The following HTR1F variants were observed in gnomAD, a reference collection of about 807,000 sequenced individuals.
HTR1F encodes the protein 5-hydroxytryptamine (serotonin) receptor 1F, G protein-coupled.
Under a neutral mutation model 24.0 loss-of-function variants are expected in HTR1F, and 17 were observed. The observed-to-expected ratio is 0.71, with a 90% CI of 0.48 to 1.06. The LOEUF (loss-of-function observed/expected upper bound fraction) is 1.06, where lower values mean the gene tolerates loss of function less well. Ranked by LOEUF, HTR1F falls within the 50% of genes least tolerant of loss-of-function variation. The pLI is 0.00. For missense variants in HTR1F, 391 were observed against 427.8 expected, an observed-to-expected ratio of 0.91 and a Z score of 0.76; for synonymous variants, 186 against 156.8, an observed-to-expected ratio of 1.19 and a Z score of -1.39.
chr3:87,838,019 T>A (rs1704719383), intron 2 of HTR1F, among the ~76,000 whole-genome samples: 2 of 152,134 alleles, frequency 1.3e-5, no homozygotes, highest in Admixed American at 1.3e-4. Flanking sequence ...ACTGAGATTA[T>A]GGAACAATTT....
chr3:87,982,094 T>C (rs1372283307), intron 2 of HTR1F, among the ~76,000 whole-genome samples: 2 of 152,162 alleles, frequency 1.3e-5, no homozygotes, highest in African/African-American at 2.4e-5. Context: ...GGCTAATTTT[T>C]GTATTTTTAA....
intron 1 of HTR1F, among the ~76,000 whole-genome samples, chr3:87,813,786 A>G (rs1265145582): frequency 2.0e-5 from 3 of 152,140 alleles, no homozygotes; most frequent in Non-Finnish European, 4.4e-5. Context: ...TCATGGTTTT[A>G]TACGTGTTTG....
intron 1 of HTR1F, among the ~76,000 whole-genome samples, chr3:87,810,945 C>T (rs1704150601): frequency 6.6e-6 from 1 of 152,152 alleles, no homozygotes; most frequent in Non-Finnish European, 1.5e-5. Flanking sequence ...CTTATATCAG[C>T]TCATATAAGC....
chr3:87,916,199 G>A (rs1703887840), intron 2 of HTR1F, among the ~76,000 whole-genome samples: 2 of 151,584 alleles, frequency 1.3e-5, no homozygotes, highest in Non-Finnish European at 2.9e-5. Flanking sequence ...AACTGCTAAA[G>A]GGGGCTCTAA....
chr3:87,949,579 T>A (rs958753593), intron 2 of HTR1F, among the ~76,000 whole-genome samples: 2 of 152,176 alleles, frequency 1.3e-5, no homozygotes, highest in Admixed American at 6.5e-5. Flanking sequence ...ATTTCTTGAA[T>A]CCAGAAGGGA....
At chr3:87,884,116 G>A (rs534437018) in intron 2 of HTR1F, among the ~76,000 whole-genome samples, 1 of 152,272 alleles carries the variant, frequency 6.6e-6, no homozygotes, top group South Asian at 2.1e-4. Context: ...TACTCACAAA[G>A]GGAAGCCCAT....
intron 2 of HTR1F, among the ~76,000 whole-genome samples, chr3:87,877,193 C>T (rs887009646): frequency 2.0e-5 from 3 of 151,900 alleles, no homozygotes; most frequent in East Asian, 1.9e-4. Flanking sequence ...AGTTCTAGGA[C>T]ATAAACCAAA....
intron 2 of HTR1F, among the ~76,000 whole-genome samples, chr3:87,964,174 A>G (rs1375822314): frequency 1.1e-4 from 16 of 152,092 alleles, no homozygotes; most frequent in Admixed American, 1.0e-3. Flanking sequence ...AAGGATTTGG[A>G]TTAACTATAA....
intron 2 of HTR1F, among the ~76,000 whole-genome samples, chr3:87,829,024 T>C (rs1013953442): frequency 1.3e-5 from 2 of 150,950 alleles, no homozygotes; most frequent in African/African-American, 2.5e-5. Flanking sequence ...TAAAAATTTA[T>C]TGTGGCAAAG....
rs1705256889 is a variant in HTR1F at position 87,970,198 on chromosome 3, T to G, written c.-42-20510T>G. Among the ~76,000 whole-genome samples, 6 of 152,086 alleles carry G rather than the reference T, an allele frequency of 3.9e-5. No individual in the cohort carries two copies. The South Asian group carries it at 1.2e-3, about 32-fold the overall frequency. On this transcript the variant is annotated intron_variant, in intron 2 of 2. Transcript: ENST00000319595. Reference sequence around the variant, plus strand: ...GAATTTGAGCAAAGATTTGAAGGAGTTGGAGTTAATTAACCAAGTGGTTAT... The same window carrying G: ...GAATTTGAGCAAAGATTTGAAGGAGGTGGAGTTAATTAACCAAGTGGTTAT...
Position 87,792,730 on chromosome 3 carries a change from G to C in HTR1F, c.-272G>C. Among the ~76,000 whole-genome samples, 1 of 152,222 alleles carries C rather than the reference G, an allele frequency of 6.6e-6. No homozygotes were observed. Among genetic ancestry groups the C allele is most frequent in the East Asian group, 1.9e-4 (1 of 5,170 alleles). ...CGCAGTCAGCGTCGCGGCCCCGAAA[G>C]CTGGCGACAGGCGCTGCTGTCTTCC... On this transcript the variant is annotated 5_prime_UTR_variant, in exon 1 of 3. Transcript: ENST00000319595.
chr3:87,969,478 G>A (rs1194540021), intron 2 of HTR1F, among the ~76,000 whole-genome samples: 1 of 152,200 alleles, frequency 6.6e-6, no homozygotes, highest in Non-Finnish European at 1.5e-5. Flanking sequence ...TGACTGCCCT[G>A]CTGGATTTTG....
At chr3:87,870,455 C>A (rs145000426) in intron 2 of HTR1F, among the ~76,000 whole-genome samples, 18 of 152,172 alleles carry the variant, frequency 1.2e-4, no homozygotes, top group Non-Finnish European at 2.5e-4. Context: ...AAGCCAAGAA[C>A]AACTGAAATG....
chr3:87,807,342 C>CT (rs1268906874), intron 1 of HTR1F, among the ~76,000 whole-genome samples: 2 of 151,656 alleles, frequency 1.3e-5, no homozygotes, highest in African/African-American at 4.8e-5. Flanking sequence ...CTTTCATTTC[C>CT]TTGTTACATT....
chr3:87,932,588 A>G (rs7647239), intron 2 of HTR1F, among the ~76,000 whole-genome samples: 1 of 152,126 alleles, frequency 6.6e-6, no homozygotes, highest in Non-Finnish European at 1.5e-5. Context: ...GAAGAAAGTC[A>G]TTGGTAGCTT....
intron 1 of HTR1F, among the ~76,000 whole-genome samples, chr3:87,796,925 A>G (rs1683403802): frequency 6.6e-6 from 1 of 152,226 alleles, no homozygotes; most frequent in Admixed American, 6.5e-5. Context: ...GTACATAAGC[A>G]AACAATTGAA....
intron 2 of HTR1F, among the ~76,000 whole-genome samples, chr3:87,984,873 G>A (rs1048046249): frequency 2.0e-5 from 3 of 152,188 alleles, no homozygotes; most frequent in Non-Finnish European, 4.4e-5. Context: ...GGAAGTCTCA[G>A]AGTTGAAAAG....
intron 2 of HTR1F, among the ~76,000 whole-genome samples, chr3:87,949,936 CT>C (rs1408755636): frequency 3.3e-5 from 5 of 152,160 alleles, no homozygotes; most frequent in Non-Finnish European, 5.9e-5. Context: ...ACTGATGGTT[CT>C]GCAGGCTGGA....
intron 1 of HTR1F, among the ~76,000 whole-genome samples, chr3:87,809,516 T>G (rs1704127072): frequency 6.6e-6 from 1 of 152,058 alleles, no homozygotes; most frequent in South Asian, 2.1e-4. Context: ...TAAGCTTTTC[T>G]TTTTTGATTT....
Sources: allele counts gnomAD v4.1 joint callset (sites outside exome capture counted in the v4.1 genomes callset), GRCh38; gene constraint gnomAD v4.1.1; transcripts MANE v1.5; gene names NCBI Gene and HGNC (gene_info 2026-07-23, HGNC 2026-07-21).